PNPLA4: variants seen among roughly 807,000 people sequenced by gnomAD.
PNPLA4 encodes the protein patatin like domain 4, phospholipase and triacylglycerol lipase, also known as patatin-like phospholipase domain-containing protein 4.
In PNPLA4, 15 loss-of-function variants were observed where a neutral mutation model predicts 18.3. The observed-to-expected ratio is 0.82, with a 90% CI of 0.55 to 1.26. The LOEUF is 1.26. Ranked by LOEUF, PNPLA4 falls within the 50% of genes most tolerant of loss-of-function variation. The probability of loss-of-function intolerance (pLI) is 0.00; values close to 1 mark genes in which losing one functional copy is unlikely to be tolerated. For synonymous variants in PNPLA4, 88 were observed against 85.6 expected, an observed-to-expected ratio of 1.03 and a Z score of -0.16; for missense variants, 229 against 196.8, an observed-to-expected ratio of 1.16 and a Z score of -0.98.
Position 7,912,053 on chromosome X carries a change from A to T in PNPLA4, c.452T>A (p.Leu151Gln), listed in dbSNP as rs769539732. ...ASSFVPIYAG[L>Q]KLVEYKGQKW... ...CTGCCCTTTGTATTCCACTAGCTTC[A>T]GTCCTGCATAAATGGGCACAAAACT... Residue 151 changes from leucine (L) to glutamine (Q), a missense_variant, in exon 5 of 7, where the codon CTG (leucine) becomes CAG (glutamine). Coordinates refer to ENST00000381042, the MANE Select transcript of PNPLA4 (RefSeq NM_004650.3). 1 of 1,205,656 alleles carries T rather than the reference A, an allele frequency of 8.3e-7. No individual in the cohort carries two copies. The highest frequency in any genetic ancestry group is 1.8e-5 in the South Asian group (1 of 56,815).
chrX:7,925,622 T>G (rs1415516206), intron 2 of PNPLA4, among the ~76,000 whole-genome samples: 1 of 112,154 alleles, frequency 8.9e-6, no homozygotes, highest in East Asian at 2.8e-4. Flanking sequence ...ACAGGCCCCA[T>G]GCTCTTCTCA....
chrX:7,917,791 T>C (rs1218743415), intron 4 of PNPLA4, among the ~76,000 whole-genome samples: 1 of 111,002 alleles, frequency 9.0e-6, no homozygotes, highest in African/African-American at 3.3e-5. Flanking sequence ...CAAGTAATCA[T>C]TCTTGAGGAG....
In PNPLA4 at chrX:7,904,448, C is replaced by CCGG. The variant is rs759730169; in HGVS notation, c.478-2310_478-2308dup. 2.6e-4 allele frequency among the ~76,000 whole-genome samples: 29 copies of CCGG among 111,786 alleles called. No individual in the cohort carries two copies. The East Asian group carries it at 7.6e-3, about 29-fold the overall frequency. On this transcript the variant is annotated intron_variant, in intron 5 of 6. Coordinates refer to ENST00000381042, the MANE Select transcript of PNPLA4 (RefSeq NM_004650.3). ...TCACTTGATTAAACTTGCAATGATACCGGCTCCTTCACAACCCTTGATGCT... is the reference window on the plus strand; with the variant it reads ...TCACTTGATTAAACTTGCAATGATACCGGCGGCTCCTTCACAACCCTTGATGCT...
At chrX:7,900,901 A>G in intron 6 of PNPLA4, 84 bp from the exon 7 acceptor site, 1 of 776,386 alleles carries the variant, frequency 1.3e-6, no homozygotes, top group Non-Finnish European at 1.8e-6. Flanking sequence ...AGGTTTTCTT[A>G]TCACAGATAC....
rs761058509 is a variant in PNPLA4, at chrX:7,925,953, G to T, written c.167C>A (p.Pro56Gln). The change falls in exon 2 of 7, where the codon CCA becomes CAA. Residue 56 changes from proline (P) to glutamine (Q), a missense_variant. Coordinates refer to ENST00000381042, the MANE Select transcript of PNPLA4 (RefSeq NM_004650.3). ...SLVASVLLTAPEKIEECNQFT... is the reference protein window; with the variant it reads ...SLVASVLLTAQEKIEECNQFT... ...CTACTTAATTACCTCTATTTTTTCT[G>T]GTGCTGTTAGCAGAACAGAAGCAAC... The T allele has an allele frequency of 8.3e-7, 1 of 1,206,293 alleles. No individual in the cohort carries two copies.
chrX:7,923,732 C>T (rs1252334431), intron 2 of PNPLA4, among the ~76,000 whole-genome samples: 1 of 111,342 alleles, frequency 9.0e-6, no homozygotes, highest in Non-Finnish European at 1.9e-5. Flanking sequence ...GGGCACAGAG[C>T]TGAAATGTGT....
Position 7,920,395 on chromosome X carries a change from A to G in PNPLA4, c.411+1318T>C, listed in dbSNP as rs772022499. On this transcript the variant is annotated intron_variant, in intron 4 of 6. Coordinates refer to ENST00000381042, the MANE Select transcript of PNPLA4 (RefSeq NM_004650.3). ...ACTGTCAAGTCTACATAATATTGTA[A>G]TAAGATTATAGAATAATGTCTTTTT... 2.6e-4 allele frequency among the ~76,000 whole-genome samples: 29 copies of G among 112,241 alleles called. No individual in the cohort carries two copies. In the South Asian group the frequency reaches 0.011, roughly 42 times the overall value.
intron 5 of PNPLA4, among the ~76,000 whole-genome samples, chrX:7,904,666 C>A (rs960113090): frequency 8.9e-6 from 1 of 112,452 alleles, no homozygotes; most frequent in Non-Finnish European, 1.9e-5. Context: ...ATATCTTGTG[C>A]TCTACTGATA....
rs1467466524 is a variant in PNPLA4, at chrX:7,899,905, T to C, written c.*781A>G. On this transcript the variant is annotated 3_prime_UTR_variant, in exon 7 of 7. Coordinates refer to ENST00000381042, the MANE Select transcript of PNPLA4 (RefSeq NM_004650.3). The stretch of plus-strand genomic sequence containing the variant: ...ATGTAGCTCCCACAATTGCCACACG[T>C]TGTGGGAGGGACCCAGTGGGAGGTA... The C allele has an allele frequency of 1.8e-5, 2 of 111,574 alleles. No homozygotes were observed. The highest frequency in any genetic ancestry group is 6.5e-5 in the African/African-American group (2 of 30,619). The allele number at this position is 111,574 out of a possible 1,213,427, so 9.2% of individuals were successfully genotyped here. A position where few individuals can be genotyped will look rare whatever the true frequency, so the allele number is the denominator to read the frequency against.
At chrX:7,903,456 T>C (rs927419320) in intron 5 of PNPLA4, among the ~76,000 whole-genome samples, 17 of 110,037 alleles carry the variant, frequency 1.5e-4, no homozygotes, top group African/African-American at 4.6e-4. Flanking sequence ...CCCGCCACCA[T>C]GCCCGGCTAA....
chrX:7,922,609 G>A (rs1210577450), intron 2 of PNPLA4, among the ~76,000 whole-genome samples: 2 of 112,036 alleles, frequency 1.8e-5, no homozygotes, highest in Admixed American at 9.4e-5. Flanking sequence ...TTTCAGGGAT[G>A]CTCATGTCTA....
At chrX:7,908,877 G>A (rs138432365) in intron 5 of PNPLA4, among the ~76,000 whole-genome samples, 2 of 111,530 alleles carry the variant, frequency 1.8e-5, no homozygotes, top group South Asian at 3.8e-4. Context: ...GGGCCTGTGC[G>A]TTCCCTGCTG....
At chrX:7,909,415 C>T (rs970771993) in intron 5 of PNPLA4, among the ~76,000 whole-genome samples, 6 of 110,467 alleles carry the variant, frequency 5.4e-5, no homozygotes, top group South Asian at 3.9e-4. Flanking sequence ...AAAAATTAGC[C>T]GGGCTTGGTG....
intron 5 of PNPLA4, among the ~76,000 whole-genome samples, chrX:7,905,950 G>T (rs1292917876): frequency 8.9e-6 from 1 of 112,355 alleles, no homozygotes; most frequent in Non-Finnish European, 1.9e-5. Flanking sequence ...ACTTTACAGA[G>T]AATAAAACAT....
chrX:7,901,414 T>G (rs5980304), intron 6 of PNPLA4, among the ~76,000 whole-genome samples: 1 of 108,605 alleles, frequency 9.2e-6, no homozygotes, highest in African/African-American at 3.4e-5. Context: ...AGACTTTGTC[T>G]CTGCAAATAA....
chrX:7,927,635 ATCCT>A (rs1351778211), upstream of PNPLA4: 1 of 113,183 alleles, frequency 8.8e-6, no homozygotes, highest in Non-Finnish European at 1.9e-5. Context: ...AGGCGTTGTA[ATCCT>A]TACGTGTCTT....
chrX:7,920,901 C>T (rs1052737109), intron 4 of PNPLA4, among the ~76,000 whole-genome samples: 17 of 112,634 alleles, frequency 1.5e-4, no homozygotes, highest in African/African-American at 5.2e-4. Context: ...AATTAGCTCC[C>T]ACTGCCACGC....
In PNPLA4 at chrX:7,902,019, C is replaced by T; in HGVS notation, c.600G>A (p.Leu200=). ...ISPQDKGQLD[L]YVNIAKQDIM... ...TATCCTGCTTGGCGATATTAACATACAGATCTAGCTGCCCTTTGTCCTGCG... is the reference window on the plus strand; with the variant it reads ...TATCCTGCTTGGCGATATTAACATATAGATCTAGCTGCCCTTTGTCCTGCG... The change falls in exon 6 of 7, where the codon CTG becomes CTA. Residue 200 remains leucine, a synonymous_variant. Transcript: ENST00000381042. 8.3e-7 allele frequency: 1 copy of T among 1,208,195 alleles called. No individual in the cohort carries two copies. The highest frequency in any genetic ancestry group is 1.8e-5 in the South Asian group (1 of 56,279).
intron 4 of PNPLA4, among the ~76,000 whole-genome samples, chrX:7,920,038 G>A (rs1924165320): frequency 1.8e-5 from 2 of 111,616 alleles, no homozygotes; most frequent in African/African-American, 6.5e-5. Flanking sequence ...CCTGCCTCTT[G>A]GAGCTTACAT....
Sources: allele counts gnomAD v4.1 joint callset (sites outside exome capture counted in the v4.1 genomes callset), GRCh38; gene constraint gnomAD v4.1.1; transcripts MANE v1.5; gene names NCBI Gene and HGNC (gene_info 2026-07-23, HGNC 2026-07-21).